The following SLC6A4 variants were observed in gnomAD, a reference collection of about 807,000 sequenced individuals.
The protein encoded by SLC6A4 is sodium-dependent serotonin transporter.
Under a neutral mutation model 73.4 loss-of-function variants are expected in SLC6A4, and 22 were observed. The observed-to-expected ratio is 0.30, with a 90% CI of 0.21 to 0.43. The LOEUF (loss-of-function observed/expected upper bound fraction) is 0.43, where lower values mean the gene tolerates loss of function less well. Among genes scored for constraint, SLC6A4 ranks in the 20% least tolerant of loss-of-function variants. SLC6A4 has a pLI of 1.00. For missense variants in SLC6A4, 593 were observed against 808.5 expected (o/e 0.73, Z 3.23); for synonymous variants, 270 against 315.5 (o/e 0.86, Z 1.53).
At position 30,207,741 on chromosome 17, in the gene SLC6A4, C is replaced by G. The variant is rs766395298; in HGVS notation, c.1641G>C (p.Leu547=). The change falls in exon 13 of 15, where the codon CTG becomes CTC. Residue 547 remains leucine, a synonymous_variant. Transcript: ENST00000650711. Reference sequence around the variant, plus strand: ...GGAAATGGCAACTCACCAGGAGAAACAGAGGGCTGATGGCCACCCAGCAGA... The same window carrying G: ...GGAAATGGCAACTCACCAGGAGAAAGAGAGGGCTGATGGCCACCCAGCAGA... ...WRICWVAISP[L]FLLFIICSFL... 6.2e-7 allele frequency: 1 copy of G among 1,609,964 alleles called. No individual in the cohort carries two copies. The highest frequency in any genetic ancestry group is 2.2e-5 in the East Asian group (1 of 44,850).
intron 2 of SLC6A4, 92 bp downstream of exon 2, chr17:30,222,727 C>A (rs764271585): frequency 6.2e-6 from 7 of 1,131,084 alleles, no homozygotes; most frequent in East Asian, 5.7e-5. Flanking sequence ...GAGCTGCCTC[C>A]GGCTGTGTCC....
chr17:30,200,566 A>T (rs143087092), intron 14 of SLC6A4, among the ~76,000 whole-genome samples: 44 of 152,316 alleles, frequency 2.9e-4, no homozygotes, highest in African/African-American at 9.6e-4. Flanking sequence ...AACCTTGCAT[A>T]TGGCCAGGGC....
At position 30,218,331 on chromosome 17, in the gene SLC6A4, C is replaced by A; in HGVS notation, c.485G>T (p.Gly162Val). 1 of 1,613,224 alleles carries A rather than the reference C, an allele frequency of 6.2e-7. No individual in the cohort carries two copies. The highest frequency in any genetic ancestry group is 1.3e-5 in the African/African-American group (1 of 74,980). Reference sequence around the variant, plus strand: ...AAAGGCAATGATGCAGATGGCATAACCAATCCCTGGGCAGTGGGTGAGATG... The same window carrying A: ...AAAGGCAATGATGCAGATGGCATAAACAATCCCTGGGCAGTGGGTGAGATG... ...RKICPIFKGI[G>V]YAICIIAFYI... The change falls in exon 5 of 15, where the codon GGT becomes GTT. Residue 162 changes from glycine (G) to valine (V), a missense_variant. Gly to Val is a moderately radical substitution (Grantham distance 109). Coordinates refer to ENST00000650711, the MANE Select transcript of SLC6A4 (RefSeq NM_001045.6).
At chr17:30,207,907 G>C in intron 12 of SLC6A4, 75 bp from the exon 13 acceptor site, 1 of 1,086,674 alleles carries the variant, frequency 9.2e-7, no homozygotes, top group Non-Finnish European at 1.4e-6. Context: ...CTGATTCTCT[G>C]GGAGAGTCAG....
At chr17:30,209,360 GAACGTGAGTACCCCAGA>G in intron 11 of SLC6A4, 118 bp from the exon 12 acceptor site, 2 of 644,942 alleles carry the variant, frequency 3.1e-6, no homozygotes, top group Non-Finnish European at 5.4e-6. Context: ...ACCTGGGACC[GAACGTGAGTACCCCAGA>G]AACTGCCTCT....
At chr17:30,228,345 G>T (rs549483240) in intron 1 of SLC6A4, among the ~76,000 whole-genome samples, 2 of 152,314 alleles carry the variant, frequency 1.3e-5, no homozygotes, top group African/African-American at 4.8e-5. Context: ...CTAGCACAGG[G>T]AAGCATCAAT....
chr17:30,223,374 C>T (rs555251771), intron 1 of SLC6A4, among the ~76,000 whole-genome samples: 28 of 152,264 alleles, frequency 1.8e-4, no homozygotes, highest in Non-Finnish European at 3.4e-4. Flanking sequence ...ATAGAAATGG[C>T]GCATGGATGT....
rs199659818 is a variant in SLC6A4, at chr17:30,194,909, G to A, written c.*3547C>T. ...AGTAGACATTCAAACTTATTCTGAC[G>A]AGGTCCTTCACCAATGCACACTGTC... On this transcript the variant is annotated 3_prime_UTR_variant, in exon 15 of 15. Coordinates refer to ENST00000650711, the MANE Select transcript of SLC6A4 (RefSeq NM_001045.6). The A allele has an allele frequency of 1.3e-5, 2 of 152,154 alleles. No homozygotes were observed. Among genetic ancestry groups the A allele is most frequent in the Non-Finnish European group, 2.9e-5 (2 of 68,026 alleles). The allele number at this position is 152,154 out of a possible 1,614,324, so 9.4% of individuals were successfully genotyped here. A position where few individuals can be genotyped will look rare whatever the true frequency, so the allele number is the denominator to read the frequency against.
At chr17:30,210,985 C>A (rs1002906038) in intron 10 of SLC6A4, among the ~76,000 whole-genome samples, 4 of 152,222 alleles carry the variant, frequency 2.6e-5, no homozygotes, top group African/African-American at 9.7e-5. Flanking sequence ...CTGAACTGAA[C>A]CCTTGGCAAA....
intron 6 of SLC6A4, 108 bp downstream of exon 6, chr17:30,217,058 G>T: frequency 1.0e-6 from 1 of 953,250 alleles, no homozygotes; most frequent in Non-Finnish European, 1.6e-6. Context: ...CATGGAATGT[G>T]TTTGGTGTGG....
chr17:30,215,049 T>TTC (rs999941582), intron 8 of SLC6A4, among the ~76,000 whole-genome samples: 124 of 151,312 alleles, frequency 8.2e-4, no homozygotes, highest in African/African-American at 2.8e-3. Context: ...CTTTCTTTAT[T>TTC]TCTCTCTCTC....
rs1432687063 is a variant in SLC6A4 at position 30,235,453 on chromosome 17, G to GGGCGCA, written c.-221+154_-221+159dup. Among the ~76,000 whole-genome samples, 3 of 152,232 alleles carry GGGCGCA rather than the reference G, an allele frequency of 2.0e-5. No homozygotes were observed. Among genetic ancestry groups the GGGCGCA allele is most frequent in the Admixed American group, 6.5e-5 (1 of 15,292 alleles). On this transcript the variant is annotated intron_variant, in intron 1 of 14. Transcript: ENST00000650711. This position sits in a 1 kb window ranked among gnomAD's most constrained non-coding sequence, Gnocchi z 4.5. ...AGCTCTGGCTCTTGCTGAGCGTGGAGGGCGCAGGGGCAGGATCCGGCGCCC... is the reference window on the plus strand; with the variant it reads ...AGCTCTGGCTCTTGCTGAGCGTGGAGGGCGCAGGCGCAGGGGCAGGATCCGGCGCCC...
chr17:30,213,524 A>C (rs1235267085), intron 8 of SLC6A4, among the ~76,000 whole-genome samples: 2 of 151,982 alleles, frequency 1.3e-5, no homozygotes, highest in Non-Finnish European at 2.9e-5. Context: ...GCTGGTCTCA[A>C]ACTCCTGATC....
At chr17:30,225,930 A>G (rs1438076338) in intron 1 of SLC6A4, among the ~76,000 whole-genome samples, 1 of 152,180 alleles carries the variant, frequency 6.6e-6, no homozygotes, top group Non-Finnish European at 1.5e-5. Context: ...CTCTTTCCAC[A>G]CACTTTGTCT....
In SLC6A4 at chr17:30,222,698, G is replaced by A. The variant is rs188195049; in HGVS notation, c.-124+121C>T. On this transcript the variant is annotated intron_variant, in intron 2 of 14. Transcript: ENST00000650711. ...TCTGTCACTCGTCTTTTAGCCCCTA[G>A]GAAGGTTGGGGCAGATTTGAGCTGC... The A allele has an allele frequency of 1.1e-4, 87 of 822,812 alleles. No homozygotes were observed. The African/African-American group carries it at 1.4e-3, about 13-fold the overall frequency. 51.0% of individuals were successfully genotyped at this position (822,812 alleles called of 1,614,324 possible). A position where few individuals can be genotyped will look rare whatever the true frequency, so the allele number is the denominator to read the frequency against.
At chr17:30,207,403 T>C (rs1483104980) in intron 13 of SLC6A4, among the ~76,000 whole-genome samples, 1 of 152,154 alleles carries the variant, frequency 6.6e-6, no homozygotes, top group Non-Finnish European at 1.5e-5. Context: ...TTATTTCTTT[T>C]CTGAAATAGA....
In SLC6A4 at chr17:30,216,101, T is replaced by C. The variant is rs1906563318; in HGVS notation, c.953A>G (p.Gln318Arg). The C allele has an allele frequency of 6.2e-7, 1 of 1,613,462 alleles. No homozygotes were observed. Among genetic ancestry groups the C allele is most frequent in the African/African-American group, 1.3e-5 (1 of 74,854 alleles). Residue 318 changes from glutamine to arginine, a missense_variant, in exon 7 of 15, where the codon CAG becomes CGG. Physicochemically the swap from Gln to Arg is conservative, Grantham distance 43. Transcript: ENST00000650711. ...TCTTACCCCTGTCTCCAGGAGTTTC[T>C]GCCAATTGGGTTTCAAGTAGAAGAG... The part of the protein sequence containing the change: ...GVLFYLKPNW[Q>R]KLLETGVWID...
At chr17:30,217,841 G>A (rs1057449381) in intron 5 of SLC6A4, among the ~76,000 whole-genome samples, 1 of 152,204 alleles carries the variant, frequency 6.6e-6, no homozygotes, top group African/African-American at 2.4e-5. Flanking sequence ...CCGGAAGAAG[G>A]GGAGTAATTT....
At position 30,211,793 on chromosome 17, in the gene SLC6A4, CAGTT is replaced by C. The variant is rs1346366584; in HGVS notation, c.1205-373_1205-370del. 2.0e-5 allele frequency among the ~76,000 whole-genome samples: 3 copies of C among 152,164 alleles called. No individual in the cohort carries two copies. Among genetic ancestry groups the C allele is most frequent in the African/African-American group, 7.2e-5 (3 of 41,414 alleles). On this transcript the variant is annotated intron_variant, in intron 9 of 14. Coordinates refer to ENST00000650711, the MANE Select transcript of SLC6A4 (RefSeq NM_001045.6). This position sits in a 1 kb window ranked among gnomAD's most constrained non-coding sequence, Gnocchi z 4.0. ...GGATTGATATTTCTAAAGTCCATGA[CAGTT>C]AGCCCCCTCTGATGTCTTCAGCTTC...
Sources: gnomAD v4.1 joint callset for allele counts (sites outside exome capture counted in the v4.1 genomes callset) on GRCh38, gnomAD v4.1.1 for gene constraint, Gnocchi (gnomAD v3.1) non-coding constraint, MANE v1.5 for transcripts, NCBI Gene and HGNC (gene_info 2026-07-23, HGNC 2026-07-21) for gene names.